The following MYO1H variants were observed in gnomAD, a reference collection of about 807,000 sequenced individuals.
MYO1H encodes unconventional myosin-Ih.
A neutral mutation model predicts 149.3 loss-of-function variants in MYO1H; 118 were observed. The ratio of observed to expected loss-of-function variants is 0.79; its 90% CI spans 0.68 to 0.92. The LOEUF (loss-of-function observed/expected upper bound fraction) is 0.92. Among genes scored for constraint, MYO1H ranks in the 40% least tolerant of loss-of-function variants. The pLI is 0.00. For synonymous variants in MYO1H, 447 were observed against 465.2 expected (o/e 0.96, Z 0.50); for missense variants, 1,212 against 1,280.7 (o/e 0.95, Z 0.82).
intron 15 of MYO1H, among the ~76,000 whole-genome samples, chr12:109,419,398 ATCC>A (rs1428780233): frequency 6.6e-6 from 1 of 152,104 alleles, no homozygotes; most frequent in African/African-American, 2.4e-5. Context: ...GAATTGTGTC[ATCC>A]TCATATTTGG....
At chr12:109,357,195 G>C (rs1382905614) in intron 1 of MYO1H, 1 of 152,216 alleles carries the variant, frequency 6.6e-6, no homozygotes, top group East Asian at 1.9e-4. Context: ...CATGGGTTTG[G>C]AAAGGTGATG....
At chr12:109,444,327 C>CACTGCCAAAATGTTAAGTTG (rs1385934535) in intron 29 of MYO1H, 44 bp downstream of exon 29, 35 of 1,587,520 alleles carry the variant, frequency 2.2e-5, no homozygotes, top group Non-Finnish European at 2.9e-5. Context: ...AGAAACAATA[C>CACTGCCAAAATGTTAAGTTG]ACTGCCAAAA....
intron 1 of MYO1H, among the ~76,000 whole-genome samples, chr12:109,368,473 T>C (rs1307872328): frequency 6.6e-6 from 1 of 152,058 alleles, no homozygotes; most frequent in East Asian, 1.9e-4. Context: ...CTGGGCAACG[T>C]GGTGAAACCC....
intron 15 of MYO1H, among the ~76,000 whole-genome samples, chr12:109,417,821 T>G (rs1870991032): frequency 1.5e-5 from 2 of 133,154 alleles, no homozygotes. Context: ...TTTTGTTTTG[T>G]TTTGTTTTTT....
At chr12:109,378,296 CTTTTTCTTTT>C (rs1869127114) in intron 1 of MYO1H, among the ~76,000 whole-genome samples, 1 of 136,796 alleles carries the variant, frequency 7.3e-6, no homozygotes, top group Non-Finnish European at 1.6e-5. Flanking sequence ...GCACCATTTT[CTTTTTCTTTT>C]TTTTTCTTTT....
the MYO1H span, among the ~76,000 whole-genome samples, chr12:109,313,425 A>AT: frequency 4.6e-5 from 7 of 152,042 alleles, no homozygotes; most frequent in African/African-American, 9.7e-5. Flanking sequence ...AGCACAGATT[A>AT]TTTTTTTCCC....
In MYO1H at chr12:109,396,463, G is replaced by T. The variant is rs755396862; in HGVS notation, c.370G>T (p.Gly124Trp). 1.9e-6 allele frequency: 3 copies of T among 1,613,964 alleles called. 1 individual carries two copies. In the South Asian group the frequency reaches 3.3e-5, roughly 18 times the overall value. Residue 124 changes from glycine (G) to tryptophan (W), a missense_variant, in exon 4 of 32, where the codon GGG (glycine) becomes TGG (tryptophan). Physicochemically the swap from Gly to Trp is radical, Grantham distance 184. Transcript: ENST00000310903. ...TTTCATCCTCATTTCTGGAGAGAGT[G>T]GGGCAGGGAAAACAGAGGCCTCCAA...
At chr12:109,336,984 A>G in the MYO1H span, among the ~76,000 whole-genome samples, 8 of 152,160 alleles carry the variant, frequency 5.3e-5, no homozygotes, top group Non-Finnish European at 1.0e-4. Context: ...AGAAGGAGGG[A>G]GGCTGATGGG....
upstream of MYO1H, among the ~76,000 whole-genome samples, chr12:109,345,814 G>A (rs545142419): frequency 6.6e-6 from 1 of 152,274 alleles, no homozygotes; most frequent in East Asian, 1.9e-4. Context: ...GATGAAACTT[G>A]AAGACACAAT....
chr12:109,427,658 G>A, intron 19 of MYO1H, 72 bp downstream of exon 19: 1 of 1,121,880 alleles, frequency 8.9e-7, no homozygotes, highest in Non-Finnish European at 1.4e-6. Context: ...GGGTTTAGTG[G>A]TAAATAAAAT....
chr12:109,445,311 A>G (rs1294582231), intron 30 of MYO1H: 2 of 519,056 alleles, frequency 3.9e-6, no homozygotes, highest in Non-Finnish European at 3.4e-6. Context: ...ATTTGATCTC[A>G]TGGTAACTAC....
At chr12:109,386,789 ATTTTC>A (rs1286467266) in intron 1 of MYO1H, among the ~76,000 whole-genome samples, 1 of 151,960 alleles carries the variant, frequency 6.6e-6, no homozygotes, top group Non-Finnish European at 1.5e-5. Flanking sequence ...TGACTTGCCT[ATTTTC>A]TTAACAGTGT....
At position 109,447,023 on chromosome 12, in the gene MYO1H, T is replaced by G. The variant is rs554054234; in HGVS notation, c.3094-136T>G. 8 of 838,266 alleles carry G rather than the reference T, an allele frequency of 9.5e-6. No individual in the cohort carries two copies. In the East Asian group the frequency reaches 2.1e-4, roughly 22 times the overall value. 51.9% of individuals were successfully genotyped at this position (838,266 alleles called of 1,614,324 possible). On this transcript the variant is annotated intron_variant, in intron 31 of 31. Coordinates refer to ENST00000310903, the Ensembl canonical transcript of MYO1H. ...AGCCAGTTTCTAAGTCTGGCTTGTC[T>G]CATGGGAGGTGGCACTGGCTTCTCA... is the stretch of plus-strand genomic sequence containing the variant.
intron 19 of MYO1H, among the ~76,000 whole-genome samples, chr12:109,427,876 C>T: frequency 3.4e-5 from 1 of 29,092 alleles, no homozygotes; most frequent in Non-Finnish European, 6.1e-5. Flanking sequence ...AAAACCCAAT[C>T]TCTACAAAAA....
At chr12:109,381,647 A>C (rs939070409) in intron 1 of MYO1H, among the ~76,000 whole-genome samples, 1 of 151,906 alleles carries the variant, frequency 6.6e-6, no homozygotes, top group Admixed American at 6.6e-5. Context: ...TCTACTAAAA[A>C]TACAAAATCT....
chr12:109,349,016 T>C (rs370848723), intron 1 of MYO1H, among the ~76,000 whole-genome samples: 1 of 152,244 alleles, frequency 6.6e-6, no homozygotes, highest in Non-Finnish European at 1.5e-5. Flanking sequence ...AAAATGTATC[T>C]GAATGCCCAT....
At chr12:109,320,455 CAAAAAAAAAAA>C in the MYO1H span, among the ~76,000 whole-genome samples, 2 of 63,326 alleles carry the variant, frequency 3.2e-5, no homozygotes, top group South Asian at 8.1e-4. Flanking sequence ...ATTAAAAATA[CAAAAAAAAAAA>C]AAAAAAAAAA....
chr12:109,329,033 CTTT>C, the MYO1H span, among the ~76,000 whole-genome samples: 1 of 132,074 alleles, frequency 7.6e-6, no homozygotes, highest in African/African-American at 2.8e-5. Context: ...TCTTTTTTTT[CTTT>C]TTTTTTTTTT....
At chr12:109,438,445 G>A in intron 22 of MYO1H, 91 bp from the exon 23 acceptor site, 2 of 990,288 alleles carry the variant, frequency 2.0e-6, no homozygotes, top group Non-Finnish European at 3.1e-6. Context: ...GCGTCCAGAT[G>A]TTTGTTGAAT....
Sources: gnomAD v4.1 joint callset for allele counts (sites outside exome capture counted in the v4.1 genomes callset) on GRCh38, gnomAD v4.1.1 for gene constraint, MANE v1.5 for transcripts, NCBI Gene and HGNC (gene_info 2026-07-23, HGNC 2026-07-21) for gene names.